CANX: variants seen among roughly 807,000 people sequenced by gnomAD.
The protein encoded by CANX is epididymis secretory sperm binding protein.
In CANX, 14 loss-of-function variants were observed where a neutral mutation model predicts 75.7. That is an observed-to-expected ratio of 0.19 (90% CI 0.12 to 0.29). The LOEUF (loss-of-function observed/expected upper bound fraction) is 0.29. CANX is among the 10% of genes least tolerant of loss of function. The pLI, the probability that CANX is intolerant of heterozygous loss-of-function variation, is 1.00. For missense variants in CANX, 567 were observed against 713.2 expected (o/e 0.79, Z 2.34); for synonymous variants, 227 against 236.9 (o/e 0.96, Z 0.38).
Position 179,731,358 on chromosome 5 carries a change from C to T in CANX, c.*2714C>T, listed in dbSNP as rs1403922917. Among the ~76,000 whole-genome samples, 1 of 151,776 alleles carries T rather than the reference C, an allele frequency of 6.6e-6. No homozygotes were observed. The highest frequency in any genetic ancestry group is 1.5e-5 in the Non-Finnish European group (1 of 67,954). The stretch of plus-strand genomic sequence containing the variant: ...GAAAGTTAGCCCAGTTTTTTATGTG[C>T]TATTAAATTTTTAGATTACATACTA... On this transcript the variant is annotated 3_prime_UTR_variant, in exon 15 of 15. Transcript: ENST00000247461.
rs1455183229 is a variant in CANX at position 179,728,677 on chromosome 5, C to T, written c.*33C>T. 2 of 1,505,322 alleles carry T rather than the reference C, an allele frequency of 1.3e-6. No homozygotes were observed. The highest frequency in any genetic ancestry group is 1.7e-5 in the Admixed American group (1 of 59,730). The allele number at this position is 1,505,322 out of a possible 1,614,324, so 93.2% of individuals were successfully genotyped here. A position where few individuals can be genotyped will look rare whatever the true frequency, so the allele number is the denominator to read the frequency against. On this transcript the variant is annotated 3_prime_UTR_variant, in exon 15 of 15. Coordinates refer to ENST00000247461, the MANE Select transcript of CANX (RefSeq NM_001746.4). ...TTAAGAGCTTGATCTGTGATTTCTT[C>T]TCCCTCCTCCCCTGCAAGAGTGGTC...
In CANX at chr5:179,730,672, C is replaced by A. The variant is rs1479718912; in HGVS notation, c.*2028C>A. The A allele has an allele frequency of 6.6e-6, 1 of 152,098 alleles. No homozygotes were observed. The highest frequency in any genetic ancestry group is 2.4e-5 in the African/African-American group (1 of 41,404). 9.4% of individuals were successfully genotyped at this position (152,098 alleles called of 1,614,324 possible). ...AAAACAAAAACGCCTTTTCTTGGTT[C>A]TTTTTTCAGTTATTTTGAAGGTCCA... is the stretch of plus-strand genomic sequence containing the variant. On this transcript the variant is annotated 3_prime_UTR_variant, in exon 15 of 15. Coordinates refer to ENST00000247461, the MANE Select transcript of CANX (RefSeq NM_001746.4).
chr5:179,699,913 C>T (rs1776620597), intron 1 of CANX: 3 of 152,252 alleles, frequency 2.0e-5, no homozygotes, highest in South Asian at 2.1e-4. Flanking sequence ...TGAACTTCGG[C>T]AGTTTTCTTA....
chr5:179,715,963 CCCAGGAG>C lies in CANX; in HGVS notation c.722-136_722-130del, dbSNP rs755248532. On this transcript the variant is annotated intron_variant, in intron 7 of 14. Coordinates refer to ENST00000247461, the MANE Select transcript of CANX (RefSeq NM_001746.4). Reference sequence around the variant, plus strand: ...AAATGGGCGTTAGCTTCCCCAAGACCCCAGGAGCCAGGCATTGTTCTTACCCCAAAGC... The same window carrying C: ...AAATGGGCGTTAGCTTCCCCAAGACCCCAGGCATTGTTCTTACCCCAAAGC... 3.1e-4 allele frequency: 224 copies of C among 716,516 alleles called. 2 individuals are homozygous for C. In the Admixed American group the frequency reaches 4.4e-3, roughly 14 times the overall value. The allele number at this position is 716,516 out of a possible 1,614,324, so 44.4% of individuals were successfully genotyped here. A position where few individuals can be genotyped will look rare whatever the true frequency, so the allele number is the denominator to read the frequency against.
Position 179,723,743 on chromosome 5 carries a change from T to C in CANX, c.1482T>C (p.Pro494=), listed in dbSNP as rs1211505350. ...TCTATATTCTAACTGTAGCCCTTCCTGTGTTCCTGGTTATCCTCTTCTGCT... is the reference window on the plus strand; with the variant it reads ...TCTATATTCTAACTGTAGCCCTTCCCGTGTTCCTGGTTATCCTCTTCTGCT... ...WVVYILTVAL[P]VFLVILFCCS... The change falls in exon 12 of 15, where the codon CCT becomes CCC. Residue 494 remains proline, a synonymous_variant. Transcript: ENST00000247461. 1.9e-6 allele frequency: 3 copies of C among 1,613,576 alleles called. No individual in the cohort carries two copies. Among genetic ancestry groups the C allele is most frequent in the South Asian group, 2.2e-5 (2 of 91,038 alleles).
At chr5:179,678,913 C>T (rs1459192955) in intron 1 of CANX, 4 of 1,535,018 alleles carry the variant, frequency 2.6e-6, no homozygotes, top group Non-Finnish European at 3.5e-6. Context: ...CGCCGCGGAA[C>T]ACGAAGGCCT....
chr5:179,693,531 G>A (rs188316095), upstream of CANX, among the ~76,000 whole-genome samples: 7 of 152,136 alleles, frequency 4.6e-5, no homozygotes, highest in East Asian at 5.8e-4. Context: ...GAAATTAGCC[G>A]GGTGAGGTGG....
At chr5:179,681,835 CT>C (rs1776071263) in intron 1 of CANX, among the ~76,000 whole-genome samples, 1 of 151,792 alleles carries the variant, frequency 6.6e-6, no homozygotes, top group Non-Finnish European at 1.5e-5. Context: ...GTAGTCCCAG[CT>C]ACTCAAGAGG....
intron 7 of CANX, 66 bp downstream of exon 7, chr5:179,710,131 TTG>T: frequency 9.7e-7 from 1 of 1,034,006 alleles, no homozygotes; most frequent in Non-Finnish European, 1.4e-6. Context: ...AATTTAAAGA[TTG>T]TATATCTGGC....
In CANX at chr5:179,689,949, C is replaced by T. The variant is rs138764942; in HGVS notation, c.-4+11172C>T. ...CACTGAAAAGATGAGGTTTGGAGCC[C>T]GTGAGGAAGGGAAGGGTGTGCTACC... On this transcript the variant is annotated intron_variant, in intron 1 of 14. Transcript: ENST00000681674. 1.1e-4 allele frequency among the ~76,000 whole-genome samples: 17 copies of T among 152,182 alleles called. No individual in the cohort carries two copies. In the East Asian group the frequency reaches 2.9e-3, roughly 26 times the overall value.
Position 179,704,009 on chromosome 5 carries a change from G to GTT in CANX, c.-3-1669_-3-1668insTT, listed in dbSNP as rs1170303609. 5.3e-5 allele frequency: 8 copies of GTT among 152,270 alleles called. No individual in the cohort carries two copies. In the East Asian group the frequency reaches 1.5e-3, roughly 29 times the overall value. 9.4% of individuals were successfully genotyped at this position (152,270 alleles called of 1,614,324 possible). A position where few individuals can be genotyped will look rare whatever the true frequency, so the allele number is the denominator to read the frequency against. ...GGAGAAAAGGACATCTTGTGTGTGTGTGCGCACACATTTTTAGTTGTGTAT... is the reference window on the plus strand; with the variant it reads ...GGAGAAAAGGACATCTTGTGTGTGTGTTTGCGCACACATTTTTAGTTGTGTAT... On this transcript the variant is annotated intron_variant, in intron 1 of 14. Transcript: ENST00000247461.
intron 2 of CANX, among the ~76,000 whole-genome samples, 160 bp from the exon 3 acceptor site, chr5:179,706,098 G>A (rs775482620): frequency 6.6e-6 from 1 of 152,176 alleles, no homozygotes; most frequent in Non-Finnish European, 1.5e-5. Flanking sequence ...GATCTCTCTG[G>A]CAGCCTTTGT....
chr5:179,700,556 C>G (rs1176004460), intron 1 of CANX: 1 of 152,578 alleles, frequency 6.6e-6, no homozygotes, highest in Non-Finnish European at 1.5e-5. Context: ...TGAGAATGCT[C>G]GAGTGAACTG....
chr5:179,715,823 TG>T (rs374673963), intron 7 of CANX: 104 of 441,806 alleles, frequency 2.4e-4, no homozygotes, highest in African/African-American at 1.9e-3. Context: ...TTGTTTTTTT[TG>T]TTTTTTTTTT....
At chr5:179,724,877 C>T (rs771965007) in intron 13 of CANX, 94 bp downstream of exon 13, 5 of 1,467,470 alleles carry the variant, frequency 3.4e-6, no homozygotes, top group African/African-American at 2.8e-5. Flanking sequence ...TTTAGCCAGG[C>T]GTGGTGGCTC....
At chr5:179,693,491 T>C (rs1212210776), upstream of CANX, among the ~76,000 whole-genome samples, 3 of 151,118 alleles carry the variant, frequency 2.0e-5, no homozygotes, top group African/African-American at 2.4e-5. Context: ...CTGGCCAACA[T>C]GGCGAAACCC....
In CANX at chr5:179,709,853, AT is replaced by A. The variant is rs1382451338; in HGVS notation, c.529-19del. 2 of 1,524,380 alleles carry A rather than the reference AT, an allele frequency of 1.3e-6. No homozygotes were observed. Among genetic ancestry groups the A allele is most frequent in the African/African-American group, 2.8e-5 (2 of 70,994 alleles). The allele number at this position is 1,524,380 out of a possible 1,614,324, so 94.4% of individuals were successfully genotyped here. On this transcript the variant is annotated intron_variant, in intron 6 of 14. Coordinates refer to ENST00000247461, the MANE Select transcript of CANX (RefSeq NM_001746.4). ...ACTTTGAGTACAGTGACTTCAAATA[AT>A]CCTTTTTTGTTTTTGAAGGATCAGT... is the stretch of plus-strand genomic sequence containing the variant.
At position 179,707,323 on chromosome 5, in the gene CANX, G is replaced by A. The variant is rs146626449; in HGVS notation, c.304+133G>A. Reference sequence around the variant, plus strand: ...TTTCCAGCCAGGTGCGGTGGCTCACGCCTGTAATCCCAGCACTTTCGGAAG... The same window carrying A: ...TTTCCAGCCAGGTGCGGTGGCTCACACCTGTAATCCCAGCACTTTCGGAAG... On this transcript the variant is annotated intron_variant, in intron 4 of 14. Transcript: ENST00000247461. The A allele has an allele frequency of 1.2e-4, 75 of 614,794 alleles. No individual in the cohort carries two copies. In the African/African-American group the frequency reaches 1.3e-3, roughly 11 times the overall value. The allele number at this position is 614,794 out of a possible 1,614,324, so 38.1% of individuals were successfully genotyped here.
At chr5:179,715,778 G>A in intron 7 of CANX, 1 of 359,294 alleles carries the variant, frequency 2.8e-6, no homozygotes, top group Non-Finnish European at 5.2e-6. Flanking sequence ...GTGTATATGT[G>A]TAAGCCCAAT....
Sources: allele counts gnomAD v4.1 joint callset (sites outside exome capture counted in the v4.1 genomes callset), GRCh38; gene constraint gnomAD v4.1.1; transcripts MANE v1.5; gene names NCBI Gene and HGNC (gene_info 2026-07-23, HGNC 2026-07-21).